The following PRDM6 variants were observed in gnomAD, a reference collection of about 807,000 sequenced individuals.
PRDM6 encodes PR/SET domain 6.
In PRDM6, 25 loss-of-function variants were observed where a neutral mutation model predicts 60.8. The observed-to-expected ratio is 0.41, with a 90% CI of 0.30 to 0.57. PRDM6 has a LOEUF of 0.57. Among genes scored for constraint, PRDM6 ranks in the 20% least tolerant of loss-of-function variants. The pLI is 0.27. For synonymous variants in PRDM6, 407 were observed against 357.4 expected, an observed-to-expected ratio of 1.14 and a Z score of -1.57; for missense variants, 839 against 821.3, an observed-to-expected ratio of 1.02 and a Z score of -0.26.
At chr5:123,092,709 T>C (rs35834030) in intron 2 of PRDM6, among the ~76,000 whole-genome samples, 8,249 of 152,234 alleles carry the variant, frequency 0.054, 298 homozygotes, top group Middle Eastern at 0.13. Flanking sequence ...AAAATTAGAT[T>C]GTCCTATTAG....
chr5:123,099,678 G>T lies in PRDM6; in HGVS notation c.617G>T (p.Arg206Leu), dbSNP rs1441801336. Residue 206 changes from arginine (R) to leucine (L), a missense_variant, in exon 3 of 8, where the codon CGC becomes CTC. By Grantham distance (102) the Arg-to-Leu change is moderately radical. Transcript: ENST00000407847. The surrounding 1 kb of genome is among the most constrained non-coding windows in gnomAD (Gnocchi z 4.0). ...GGTTGCGACATGTGCGCGGACAACCGCAACGGCGAGTGCCCTATGCATGGG... is the reference window on the plus strand; with the variant it reads ...GGTTGCGACATGTGCGCGGACAACCTCAACGGCGAGTGCCCTATGCATGGG... ...NNRCDMCADN[R>L]NGECPMHGPL... 6.8e-7 allele frequency: 1 copy of T among 1,474,062 alleles called. No homozygotes were observed. Among genetic ancestry groups the T allele is most frequent in the South Asian group, 1.4e-5 (1 of 71,022 alleles). 91.3% of individuals were successfully genotyped at this position (1,474,062 alleles called of 1,614,324 possible). A position where few individuals can be genotyped will look rare whatever the true frequency, so the allele number is the denominator to read the frequency against.
intron 3 of PRDM6, among the ~76,000 whole-genome samples, chr5:123,112,682 A>G (rs1366264244): frequency 6.0e-5 from 9 of 150,902 alleles, no homozygotes; most frequent in Admixed American, 5.3e-4. Context: ...AACTGCTGGC[A>G]CTCACATCTC....
chr5:123,122,123 A>G (rs887112486), intron 3 of PRDM6, among the ~76,000 whole-genome samples: 1 of 125,742 alleles, frequency 8.0e-6, no homozygotes, highest in Non-Finnish European at 1.6e-5. Flanking sequence ...AGATCCCACC[A>G]TTGCACTCCA....
chr5:123,192,319 G>C lies in PRDM6; in HGVS notation c.*5118G>C, dbSNP rs2126899300. On this transcript the variant is annotated 3_prime_UTR_variant, in exon 8 of 8. Transcript: ENST00000407847. Reference sequence around the variant, plus strand: ...CAGTTTTAGCTTTGTAGCTTCTTTAGTTTTTTTCCTCCTTCAAAGCCATAA... The same window carrying C: ...CAGTTTTAGCTTTGTAGCTTCTTTACTTTTTTTCCTCCTTCAAAGCCATAA... 6.6e-6 allele frequency: 1 copy of C among 151,998 alleles called. No homozygotes were observed. Among genetic ancestry groups the C allele is most frequent in the South Asian group, 2.1e-4 (1 of 4,808 alleles). 9.4% of individuals were successfully genotyped at this position (151,998 alleles called of 1,614,324 possible).
intron 5 of PRDM6, among the ~76,000 whole-genome samples, chr5:123,165,994 A>T (rs1305338236): frequency 1.3e-5 from 2 of 152,276 alleles, no homozygotes; most frequent in East Asian, 3.9e-4. Context: ...ATTTTACAAG[A>T]TTAGATTCTA....
intron 6 of PRDM6, among the ~76,000 whole-genome samples, chr5:123,178,194 G>C (rs1766060695): frequency 6.6e-6 from 1 of 151,548 alleles, no homozygotes; most frequent in Non-Finnish European, 1.5e-5. Flanking sequence ...TTTGACAGCA[G>C]AGTTAGAAAA....
intron 7 of PRDM6, among the ~76,000 whole-genome samples, chr5:123,186,857 G>C (rs1766299554): frequency 6.6e-6 from 1 of 152,186 alleles, no homozygotes; most frequent in Non-Finnish European, 1.5e-5. Flanking sequence ...GGGCTCTCTG[G>C]AGAAATCACC....
rs1554088086 is a variant in PRDM6, at chr5:123,138,032, C to CT, written c.901-17852_901-17851insT. Among the ~76,000 whole-genome samples the CT allele has an allele frequency of 4.7e-3, 717 of 151,878 alleles. 11 individuals are homozygous for CT. Among genetic ancestry groups the CT allele is most frequent in the African/African-American group, 0.017 (688 of 41,440 alleles). On this transcript the variant is annotated intron_variant, in intron 3 of 7. Coordinates refer to ENST00000407847, the MANE Select transcript of PRDM6 (RefSeq NM_001136239.4). ...ATCCTGCCTACTCTGGGTTCACCCC[C>CT]GCACCTTTCAAATACTGATATAGGC... is the stretch of plus-strand genomic sequence containing the variant.
chr5:123,090,771 A>T (rs1213940379), intron 2 of PRDM6, among the ~76,000 whole-genome samples, 165 bp downstream of exon 2: 1 of 152,124 alleles, frequency 6.6e-6, no homozygotes, highest in Non-Finnish European at 1.5e-5. Flanking sequence ...TCTCTGTGAC[A>T]AAAGTTTTCT....
intron 3 of PRDM6, among the ~76,000 whole-genome samples, chr5:123,132,803 G>A (rs1764861568): frequency 6.6e-6 from 1 of 151,808 alleles, no homozygotes; most frequent in African/African-American, 2.4e-5. Context: ...AAAAATTATT[G>A]TTTTAATTAT....
At chr5:123,090,639 G>GGGCGCCGGCGCC (rs71572187) in intron 2 of PRDM6, 33 bp downstream of exon 2, 1 of 1,453,306 alleles carries the variant, frequency 6.9e-7, no homozygotes, top group Non-Finnish European at 9.1e-7. Context: ...CTCTCTCCCG[G>GGGCGCCGGCGCC]GGCGCCGGCG....
chr5:123,125,468 A>G (rs1580498563), intron 3 of PRDM6, among the ~76,000 whole-genome samples: 1 of 152,248 alleles, frequency 6.6e-6, no homozygotes. Context: ...GCTGCGTAGC[A>G]CAGTTTATTT....
intron 6 of PRDM6, among the ~76,000 whole-genome samples, chr5:123,176,233 T>TAG (rs1766004703): frequency 7.2e-6 from 1 of 139,808 alleles, no homozygotes; most frequent in African/African-American, 2.7e-5. Context: ...ACAGAACAGC[T>TAG]CCGTCATTAG....
At chr5:123,122,688 A>G (rs1420219186) in intron 3 of PRDM6, among the ~76,000 whole-genome samples, 1 of 152,224 alleles carries the variant, frequency 6.6e-6, no homozygotes, top group African/African-American at 2.4e-5. Context: ...TTAAGCAGTA[A>G]GAAGAAAATA....
Position 123,183,520 on chromosome 5 carries a change from C to T in PRDM6, c.1673+3197C>T, listed in dbSNP as rs778010851. 4.6e-5 allele frequency among the ~76,000 whole-genome samples: 7 copies of T among 152,162 alleles called. 1 individual carries two copies. Among genetic ancestry groups the T allele is most frequent in the Admixed American group, 4.6e-4 (7 of 15,274 alleles). ...GAAATTCCACTGAAAGAATCCATCT[C>T]CCATGTTCTAGGTAGATGATGGGCC... On this transcript the variant is annotated intron_variant, in intron 7 of 7. Coordinates refer to ENST00000407847, the MANE Select transcript of PRDM6 (RefSeq NM_001136239.4).
intron 3 of PRDM6, among the ~76,000 whole-genome samples, chr5:123,100,296 A>G (rs1023426398): frequency 1.3e-5 from 2 of 152,220 alleles, no homozygotes; most frequent in African/African-American, 4.8e-5. Context: ...TGAGAAAAAG[A>G]GAAAACAGCT....
chr5:123,140,387 T>C (rs1383951889), intron 3 of PRDM6, among the ~76,000 whole-genome samples: 2 of 152,140 alleles, frequency 1.3e-5, no homozygotes, highest in Non-Finnish European at 2.9e-5. Flanking sequence ...TAGGGTTATG[T>C]GATATAGTTT....
intron 6 of PRDM6, among the ~76,000 whole-genome samples, chr5:123,179,040 T>G (rs1554091158): frequency 1.3e-5 from 2 of 152,184 alleles, no homozygotes; most frequent in Non-Finnish European, 2.9e-5. Flanking sequence ...AAAATTTTGA[T>G]AAACAAATTA....
intron 3 of PRDM6, among the ~76,000 whole-genome samples, chr5:123,125,749 A>T (rs1421623026): frequency 6.6e-6 from 1 of 152,212 alleles, no homozygotes; most frequent in African/African-American, 2.4e-5. Context: ...AAAAGTTGGA[A>T]AAGAAATTAT....
Sources: gnomAD v4.1 joint callset for allele counts (sites outside exome capture counted in the v4.1 genomes callset) on GRCh38, gnomAD v4.1.1 for gene constraint, Gnocchi (gnomAD v3.1) non-coding constraint, MANE v1.5 for transcripts, NCBI Gene and HGNC (gene_info 2026-07-23, HGNC 2026-07-21) for gene names.